TES: variants seen among roughly 807,000 people sequenced by gnomAD.
The protein encoded by TES is testin LIM domain protein, also known as testin.
TES carries 41 observed loss-of-function variants against 48.2 expected under a neutral mutation model. The ratio of observed to expected loss-of-function variants is 0.85; its 90% CI spans 0.66 to 1.10. The LOEUF is 1.10. Among genes scored for constraint, TES ranks in the 50% least tolerant of loss-of-function variants. The probability of loss-of-function intolerance (pLI) is 0.00; values close to 1 mark genes in which losing one functional copy is unlikely to be tolerated. For missense variants in TES, 463 were observed against 515.1 expected, an observed-to-expected ratio of 0.90 and a Z score of 0.98; for synonymous variants, 162 against 174.9, an observed-to-expected ratio of 0.93 and a Z score of 0.58.
At chr7:116,251,682 CAAA>C (rs766628460) in intron 4 of TES, 75 bp from the exon 5 acceptor site, 117 of 1,071,762 alleles carry the variant, frequency 1.1e-4, no homozygotes, top group Middle Eastern at 3.2e-4. Context: ...GACTCAGTCT[CAAA>C]AAAAAAAAAA....
intron 1 of TES, chr7:116,217,856 T>A: frequency 1.9e-6 from 1 of 516,778 alleles, no homozygotes; most frequent in Middle Eastern, 3.2e-4. Flanking sequence ...TTTGTCAATT[T>A]TCAGTTCTAA....
chr7:116,254,055 A>G (rs1800057631), intron 6 of TES, among the ~76,000 whole-genome samples: 1 of 151,986 alleles, frequency 6.6e-6, no homozygotes, highest in Non-Finnish European at 1.5e-5. Flanking sequence ...TACCTAGGGA[A>G]CAAGACGTCA....
intron 1 of TES, among the ~76,000 whole-genome samples, chr7:116,226,041 A>C (rs754361294): frequency 6.6e-6 from 1 of 152,208 alleles, no homozygotes; most frequent in Non-Finnish European, 1.5e-5. Flanking sequence ...ATGGCAGTGT[A>C]AGTGCTCAAT....
chr7:116,254,758 ATGTG>A lies in TES; in HGVS notation c.1077+2318_1077+2321del, dbSNP rs202115399. ...TCCGTCTCAAAAAAAATATATATATATGTGTGTGTGTGTGTGTGTGTGTGTGTGT... is the reference window on the plus strand; with the variant it reads ...TCCGTCTCAAAAAAAATATATATATATGTGTGTGTGTGTGTGTGTGTGTGT... On this transcript the variant is annotated intron_variant, in intron 6 of 6. Transcript: ENST00000358204. 4.1e-3 allele frequency among the ~76,000 whole-genome samples: 474 copies of A among 116,792 alleles called. 4 individuals carry two copies. The highest frequency in any genetic ancestry group is 0.011 in the African/African-American group (305 of 28,960). 76.6% of individuals were successfully genotyped at this position (116,792 alleles called of 152,430 possible).
At chr7:116,254,894 T>C (rs989807270) in intron 6 of TES, among the ~76,000 whole-genome samples, 6 of 151,788 alleles carry the variant, frequency 4.0e-5, no homozygotes, top group African/African-American at 1.5e-4. Context: ...CAGAACAGAT[T>C]CCAGCTAACA....
At chr7:116,253,244 A>G (rs1800044667) in intron 6 of TES, among the ~76,000 whole-genome samples, 1 of 152,210 alleles carries the variant, frequency 6.6e-6, no homozygotes. Context: ...CATATGGTTT[A>G]TATAGTTATA....
intron 1 of TES, among the ~76,000 whole-genome samples, chr7:116,227,092 A>T (rs1196882254): frequency 1.1e-3 from 4 of 3,800 alleles, no homozygotes; most frequent in Non-Finnish European, 2.2e-3. Flanking sequence ...TTTTTATTTT[A>T]TTTATTTATT....
intron 1 of TES, among the ~76,000 whole-genome samples, chr7:116,227,689 A>G (rs564084867): frequency 1.3e-5 from 2 of 152,334 alleles, no homozygotes; most frequent in African/African-American, 2.4e-5. Context: ...ATGTGTGTGT[A>G]TATATACATG....
At chr7:116,254,959 A>T (rs572831673) in intron 6 of TES, among the ~76,000 whole-genome samples, 1 of 151,980 alleles carries the variant, frequency 6.6e-6, no homozygotes, top group African/African-American at 2.4e-5. Context: ...GGAGAAGGTT[A>T]TCTAGTTCAG....
intron 3 of TES, chr7:116,249,717 C>T (rs1799976048): frequency 6.1e-6 from 1 of 163,332 alleles, no homozygotes; most frequent in South Asian, 1.9e-4. Flanking sequence ...ATATCAAGCT[C>T]CTTCCACTAT....
At chr7:116,215,312 G>T (rs958431779) in intron 1 of TES, among the ~76,000 whole-genome samples, 4 of 151,964 alleles carry the variant, frequency 2.6e-5, no homozygotes, top group African/African-American at 9.7e-5. Context: ...AATAAAATAA[G>T]GTACATTTCA....
chr7:116,247,800 T>C (rs1452122934), intron 2 of TES, among the ~76,000 whole-genome samples: 1 of 152,192 alleles, frequency 6.6e-6, no homozygotes, highest in Non-Finnish European at 1.5e-5. Flanking sequence ...ATTCTGCTGC[T>C]TTCCTCTTTT....
At chr7:116,239,171 C>A (rs1412943852) in intron 2 of TES, 1 of 152,226 alleles carries the variant, frequency 6.6e-6, no homozygotes, top group Admixed American at 6.5e-5. Flanking sequence ...CATTGAGGTA[C>A]AATGCCTTCC....
At chr7:116,234,842 G>T (rs1239064473) in intron 2 of TES, among the ~76,000 whole-genome samples, 1 of 152,174 alleles carries the variant, frequency 6.6e-6, no homozygotes, top group East Asian at 1.9e-4. Flanking sequence ...TGTTGGATTT[G>T]CTTGCTGTCT....
intron 1 of TES, among the ~76,000 whole-genome samples, chr7:116,227,088 TTTTATTTATTTATTTATTTA>T (rs10562977): frequency 0.01 from 1,412 of 140,238 alleles, 13 homozygotes; most frequent in Middle Eastern, 0.018. Context: ...ACACTTTTTA[TTTTATTTATTTATTTATTTA>T]TTTATTTATT....
chr7:116,249,234 AC>A lies in TES; in HGVS notation c.330del (p.Tyr111MetfsTer27), dbSNP rs758861357. On this transcript the variant is annotated frameshift_variant, in exon 3 of 7. Transcript: ENST00000358204. LOFTEE classifies it high-confidence loss of function. ...AKKNVSINTVTYEWAPPVQNQ... is the reference protein window; with the variant it reads ...AKKNVSINTVXYEWAPPVQNQ... Reference sequence around the variant, plus strand: ...GAAGAATGTCTCCATCAATACAGTTACCTATGAGTGGGCTCCTCCTGTCCAG... The same window carrying A: ...GAAGAATGTCTCCATCAATACAGTTACTATGAGTGGGCTCCTCCTGTCCAG... 1 of 1,614,108 alleles carries A rather than the reference AC, an allele frequency of 6.2e-7. No individual in the cohort carries two copies. Among genetic ancestry groups the A allele is most frequent in the Non-Finnish European group, 8.5e-7 (1 of 1,179,974 alleles).
Position 116,220,771 on chromosome 7 carries a change from G to A in TES, c.27+10037G>A, listed in dbSNP as rs372590709. ...TGGCCCTGGCGTTTATTAGCTGTGT[G>A]AATTTGGGAAAGCTACTTAGCCCTG... On this transcript the variant is annotated intron_variant, in intron 1 of 6. Transcript: ENST00000358204. Among the ~76,000 whole-genome samples, 66 of 152,270 alleles carry A rather than the reference G, an allele frequency of 4.3e-4. No individual in the cohort carries two copies. The South Asian group carries it at 0.014, about 32-fold the overall frequency.
At chr7:116,255,041 T>A (rs1160314628) in intron 6 of TES, 2 of 150,460 alleles carry the variant, frequency 1.3e-5, no homozygotes, top group Non-Finnish European at 3.0e-5. Context: ...TGAAATCAAG[T>A]GCTCAACTCC....
chr7:116,223,830 T>C (rs1340283112), intron 1 of TES, among the ~76,000 whole-genome samples: 1 of 152,194 alleles, frequency 6.6e-6, no homozygotes, highest in Non-Finnish European at 1.5e-5. Context: ...ATAATATGTC[T>C]GTCTCGTCAC....
Sources: allele counts gnomAD v4.1 joint callset (sites outside exome capture counted in the v4.1 genomes callset), GRCh38; gene constraint gnomAD v4.1.1; transcripts MANE v1.5; gene names NCBI Gene and HGNC (gene_info 2026-07-23, HGNC 2026-07-21).